Variants in TRAPPC11 observed in about 807,000 individuals in gnomAD.
TRAPPC11 encodes foie gras homolog.
A neutral mutation model predicts 151.2 loss-of-function variants in TRAPPC11; 104 were observed. The ratio of observed to expected loss-of-function variants is 0.69; its 90% confidence interval spans 0.59 to 0.81. The LOEUF (loss-of-function observed/expected upper bound fraction) is 0.81. Among genes scored for constraint, TRAPPC11 ranks in the 30% least tolerant of loss-of-function variants. TRAPPC11 has a pLI of 0.00. For synonymous variants in TRAPPC11, 456 were observed against 472.3 expected, an observed-to-expected ratio of 0.97 and a Z score of 0.45; for missense variants, 1,230 against 1,349.6, an observed-to-expected ratio of 0.91 and a Z score of 1.39.
At chr4:183,693,854 G>C in intron 21 of TRAPPC11, 63 bp from the exon 22 acceptor site, 1 of 1,601,246 alleles carries the variant, frequency 6.2e-7, no homozygotes, top group Non-Finnish European at 8.5e-7. Context: ...TCTTCACACA[G>C]TATTGATTAT....
chr4:183,680,152 C>T lies in TRAPPC11; in HGVS notation c.998C>T (p.Ala333Val), dbSNP rs1435831897. ...FQAFGDLFDE[A>V]IKLGLTAIQT... ...GCCTTTGGAGATTTATTTGATGAAG[C>T]TATTAAGTTAGGGTTAACAGCTATT... The change falls in exon 10 of 30, where the codon GCT (alanine) becomes GTT (valine). Residue 333 changes from alanine to valine, a missense_variant. Coordinates refer to ENST00000334690, the MANE Select transcript of TRAPPC11 (RefSeq NM_021942.6). 6.2e-7 allele frequency: 1 copy of T among 1,613,558 alleles called. No individual in the cohort carries two copies. The highest frequency in any genetic ancestry group is 8.5e-7 in the Non-Finnish European group (1 of 1,179,828).
intron 1 of TRAPPC11, among the ~76,000 whole-genome samples, chr4:183,663,528 C>G (rs1166889733): frequency 6.6e-6 from 1 of 151,964 alleles, no homozygotes; most frequent in Admixed American, 6.6e-5. Flanking sequence ...TCACCACGAC[C>G]AACCAATTTT....
chr4:183,682,616 A>G (rs1485020376), intron 10 of TRAPPC11, 116 bp from the exon 11 acceptor site: 1 of 454,620 alleles, frequency 2.2e-6, no homozygotes, highest in Non-Finnish European at 3.9e-6. Context: ...TGATAATTGA[A>G]TATATATTTG....
intron 24 of TRAPPC11, 45 bp downstream of exon 24, chr4:183,697,613 A>G: frequency 1.2e-6 from 2 of 1,605,538 alleles, no homozygotes; most frequent in Non-Finnish European, 1.7e-6. Flanking sequence ...GGTTATAAAA[A>G]TGGACTGAAA....
chr4:183,677,205 T>C (rs1257789363), intron 7 of TRAPPC11, among the ~76,000 whole-genome samples: 4 of 152,252 alleles, frequency 2.6e-5, no homozygotes, highest in African/African-American at 9.6e-5. Flanking sequence ...TTTTAAGTTA[T>C]CTGTTTGTTA....
Position 183,693,057 on chromosome 4 carries a change from C to G in TRAPPC11, c.2147C>G (p.Ala716Gly), listed in dbSNP as rs143990563. ...GGAGATGCTGCTTCCTCCCAAGAAGCCTTACAGGCAGCTCGGTCTTTCAAA... is the reference window on the plus strand; with the variant it reads ...GGAGATGCTGCTTCCTCCCAAGAAGGCTTACAGGCAGCTCGGTCTTTCAAA... Reference protein sequence around the residue: ...GGGDAASSQEALQAARSFKRR... With the variant: ...GGGDAASSQEGLQAARSFKRR... Residue 716 changes from alanine (A) to glycine (G), a missense_variant, in exon 20 of 30, where the codon GCC becomes GGC. Transcript: ENST00000334690. The G allele has an allele frequency of 7.0e-4, 1,133 of 1,613,672 alleles. 6 individuals are homozygous for G. The Middle Eastern group carries it at 0.016, about 22-fold the overall frequency.
chr4:183,662,859 G>A (rs1011872586), intron 1 of TRAPPC11, among the ~76,000 whole-genome samples: 3 of 151,754 alleles, frequency 2.0e-5, no homozygotes, highest in African/African-American at 7.3e-5. Context: ...TCAAAGTTCT[G>A]TGTGCATTTT....
chr4:183,669,436 C>T (rs1344636010), intron 5 of TRAPPC11, among the ~76,000 whole-genome samples: 1 of 152,192 alleles, frequency 6.6e-6, no homozygotes, highest in Non-Finnish European at 1.5e-5. Context: ...CAGTGCTTTC[C>T]TATTCACAGT....
Position 183,706,392 on chromosome 4 carries a change from G to A in TRAPPC11, c.3056-415G>A, listed in dbSNP as rs1039175765. ...CAAAAAATTAGCCAGACATGGTGGC[G>A]GGCACCTGTAGTCCCAGCTACTTGG... On this transcript the variant is annotated intron_variant, in intron 27 of 29. Coordinates refer to ENST00000334690, the MANE Select transcript of TRAPPC11 (RefSeq NM_021942.6). 2.6e-5 allele frequency among the ~76,000 whole-genome samples: 4 copies of A among 152,084 alleles called. No homozygotes were observed. The South Asian group carries it at 6.2e-4, about 24-fold the overall frequency.
chr4:183,669,669 T>C (rs1277197672), intron 5 of TRAPPC11, among the ~76,000 whole-genome samples: 2 of 152,206 alleles, frequency 1.3e-5, no homozygotes, highest in Non-Finnish European at 2.9e-5. Flanking sequence ...CTGAGGGGGT[T>C]GCTGTATTGG....
intron 11 of TRAPPC11, 57 bp from the exon 12 acceptor site, chr4:183,683,918 T>G (rs1251989662): frequency 7.4e-7 from 1 of 1,351,958 alleles, no homozygotes; most frequent in Non-Finnish European, 1.1e-6. Flanking sequence ...ACAACGTTCA[T>G]ATGAAGATTT....
chr4:183,700,622 T>G (rs1235595457), intron 25 of TRAPPC11, among the ~76,000 whole-genome samples: 1 of 152,178 alleles, frequency 6.6e-6, no homozygotes, highest in African/African-American at 2.4e-5. Context: ...AGGAAAGCAT[T>G]CTTGCACAGA....
chr4:183,697,628 A>G (rs370539302), intron 24 of TRAPPC11, 51 bp from the exon 25 acceptor site: 1,446 of 1,607,872 alleles, frequency 9.0e-4, no homozygotes, highest in Non-Finnish European at 1.2e-3. Flanking sequence ...CTGAAATGAT[A>G]AAATGGATTA....
At chr4:183,681,927 G>A (rs1311740663) in intron 10 of TRAPPC11, among the ~76,000 whole-genome samples, 1 of 152,116 alleles carries the variant, frequency 6.6e-6, no homozygotes, top group Non-Finnish European at 1.5e-5. Context: ...TTATAAAGTT[G>A]TTCTCACAGA....
Position 183,701,798 on chromosome 4 carries a change from T to C in TRAPPC11, c.2953T>C (p.Ser985Pro). Residue 985 changes from serine (S) to proline (P), a missense_variant, in exon 26 of 30, where the codon TCT (serine) becomes CCT (proline). Transcript: ENST00000334690. ...AGTAGCAACCGGGCATTATATTATCTCTTGGAAAAGGTAAGAATTATGTCA... is the reference window on the plus strand; with the variant it reads ...AGTAGCAACCGGGCATTATATTATCCCTTGGAAAAGGTAAGAATTATGTCA... ...GGVATGHYIISWKRTSAMENI... is the reference protein window; with the variant it reads ...GGVATGHYIIPWKRTSAMENI... 6.2e-7 allele frequency: 1 copy of C among 1,607,506 alleles called. No individual in the cohort carries two copies. Among genetic ancestry groups the C allele is most frequent in the Non-Finnish European group, 8.5e-7 (1 of 1,173,962 alleles).
At chr4:183,660,010 C>T (rs1198527320) in intron 1 of TRAPPC11, among the ~76,000 whole-genome samples, 2 of 152,196 alleles carry the variant, frequency 1.3e-5, no homozygotes, top group African/African-American at 4.8e-5. Flanking sequence ...ATTACTTGAT[C>T]TCCCATCCAT....
chr4:183,710,798 G>A (rs1737305774), intron 29 of TRAPPC11, among the ~76,000 whole-genome samples: 1 of 151,772 alleles, frequency 6.6e-6, no homozygotes, highest in Non-Finnish European at 1.5e-5. Flanking sequence ...GGAGGCCAAG[G>A]CTGGTGGATC....
intron 6 of TRAPPC11, 144 bp downstream of exon 6, chr4:183,674,956 T>C: frequency 1.6e-6 from 1 of 614,398 alleles, no homozygotes; most frequent in Non-Finnish European, 2.7e-6. Context: ...AAAAATTAAT[T>C]TGTTTTTAAA....
chr4:183,676,218 C>T (rs1039591043), intron 7 of TRAPPC11, among the ~76,000 whole-genome samples: 4 of 151,736 alleles, frequency 2.6e-5, no homozygotes, highest in East Asian at 3.9e-4. Context: ...GGCGCGATCT[C>T]GGCTCACTGC....
Sources: allele counts gnomAD v4.1 joint callset (sites outside exome capture counted in the v4.1 genomes callset), GRCh38; gene constraint gnomAD v4.1.1; transcripts MANE v1.5; gene names NCBI Gene and HGNC (gene_info 2026-07-23, HGNC 2026-07-21).